ZBTB7C: variants seen among roughly 807,000 people sequenced by gnomAD.
ZBTB7C encodes the protein zinc finger and BTB domain-containing protein 7C.
In ZBTB7C, 8 loss-of-function variants were observed where a neutral mutation model predicts 25.7. The observed-to-expected ratio is 0.31, with a 90% CI of 0.18 to 0.56. ZBTB7C has a LOEUF of 0.56. Ranked by LOEUF, ZBTB7C falls within the 20% of genes least tolerant of loss-of-function variation. The probability of loss-of-function intolerance (pLI) is 0.91; values close to 1 mark genes in which losing one functional copy is unlikely to be tolerated. For synonymous variants in ZBTB7C, 394 were observed against 369.0 expected (o/e 1.07, Z -0.78); for missense variants, 824 against 855.2 (o/e 0.96, Z 0.46).
intron 1 of ZBTB7C, among the ~76,000 whole-genome samples, chr18:48,371,136 C>G (rs1314024552): frequency 6.6e-6 from 1 of 152,118 alleles, no homozygotes; most frequent in African/African-American, 2.4e-5. Context: ...GGGTTCATTT[C>G]CTGAAGAGGC....
chr18:48,089,045 G>C (rs751496450), intron 3 of ZBTB7C, among the ~76,000 whole-genome samples: 2 of 152,154 alleles, frequency 1.3e-5, no homozygotes, highest in East Asian at 3.9e-4. Context: ...CCCTGAGCCC[G>C]GTTTACTGAT....
chr18:48,109,125 G>A (rs942817468), intron 3 of ZBTB7C, among the ~76,000 whole-genome samples: 1 of 152,132 alleles, frequency 6.6e-6, no homozygotes, highest in Non-Finnish European at 1.5e-5. Context: ...GGGGGTTGCG[G>A]TCCCTAGCAA....
At chr18:48,301,429 A>G (rs1015392124) in intron 2 of ZBTB7C, among the ~76,000 whole-genome samples, 4 of 152,244 alleles carry the variant, frequency 2.6e-5, no homozygotes, top group African/African-American at 7.2e-5. Flanking sequence ...CAGTGAGCCA[A>G]GATCGCACCA....
chr18:48,278,320 G>A (rs1356640835), intron 2 of ZBTB7C, among the ~76,000 whole-genome samples: 1 of 152,214 alleles, frequency 6.6e-6, no homozygotes, highest in African/African-American at 2.4e-5. Context: ...TCCCAGTCAA[G>A]AGCATCTCCA....
intron 2 of ZBTB7C, among the ~76,000 whole-genome samples, chr18:48,331,116 T>C (rs1196189793): frequency 2.0e-5 from 3 of 152,098 alleles, no homozygotes; most frequent in Non-Finnish European, 4.4e-5. Context: ...CCTCCATCCC[T>C]GTGTATTTTC....
chr18:48,266,088 G>T (rs2044304990), intron 2 of ZBTB7C, among the ~76,000 whole-genome samples: 1 of 152,156 alleles, frequency 6.6e-6, no homozygotes, highest in South Asian at 2.1e-4. Context: ...GTGAGGGAAG[G>T]CTCCTTGTAC....
At chr18:48,044,660 C>G (rs1269556535) in intron 3 of ZBTB7C, among the ~76,000 whole-genome samples, 1 of 152,244 alleles carries the variant, frequency 6.6e-6, no homozygotes, top group Non-Finnish European at 1.5e-5. Context: ...CATCAGATAC[C>G]TGTCCCACCT....
chr18:48,163,019 G>T (rs545089175), intron 3 of ZBTB7C, among the ~76,000 whole-genome samples: 1 of 152,310 alleles, frequency 6.6e-6, no homozygotes, highest in South Asian at 2.1e-4. Flanking sequence ...TCAGGCACTG[G>T]TGGGGGATGT....
At chr18:48,251,635 C>A (rs1179551908) in intron 2 of ZBTB7C, among the ~76,000 whole-genome samples, 1 of 152,208 alleles carries the variant, frequency 6.6e-6, no homozygotes, top group African/African-American at 2.4e-5. Context: ...TCTTTGTCAA[C>A]CATGTGTACA....
chr18:48,322,515 A>C (rs995091884), intron 2 of ZBTB7C, among the ~76,000 whole-genome samples: 4 of 152,264 alleles, frequency 2.6e-5, no homozygotes, highest in African/African-American at 9.6e-5. Context: ...TGGCCAGTTC[A>C]GAAAACCAAG....
chr18:48,199,640 C>T (rs2042391583), intron 2 of ZBTB7C, among the ~76,000 whole-genome samples: 1 of 151,736 alleles, frequency 6.6e-6, no homozygotes, highest in Admixed American at 6.6e-5. Flanking sequence ...CCTCCCCCTC[C>T]TTCTCCCCCT....
chr18:48,190,798 C>T (rs1054077862), intron 2 of ZBTB7C, among the ~76,000 whole-genome samples: 3 of 152,170 alleles, frequency 2.0e-5, no homozygotes, highest in Non-Finnish European at 2.9e-5. Flanking sequence ...GCCTTTGTGC[C>T]CATTGCTAAA....
At chr18:48,142,382 C>T (rs114776109) in intron 3 of ZBTB7C, among the ~76,000 whole-genome samples, 3,129 of 152,282 alleles carry the variant, frequency 0.021, 116 homozygotes, top group African/African-American at 0.072. Context: ...CCTCAGGAAC[C>T]TCCGAGGGGG....
chr18:48,233,693 T>C (rs1371441631), intron 2 of ZBTB7C, among the ~76,000 whole-genome samples: 1 of 152,226 alleles, frequency 6.6e-6, no homozygotes, highest in Non-Finnish European at 1.5e-5. Context: ...GGTCTGCATG[T>C]TGAGAGCCAT....
chr18:48,131,094 G>A (rs2039972152), intron 3 of ZBTB7C, among the ~76,000 whole-genome samples: 1 of 152,188 alleles, frequency 6.6e-6, no homozygotes, highest in Non-Finnish European at 1.5e-5. Context: ...AGTAGAGATG[G>A]GGTTTCACCA....
chr18:48,212,055 A>C (rs1237853314), intron 2 of ZBTB7C, among the ~76,000 whole-genome samples: 1 of 152,192 alleles, frequency 6.6e-6, no homozygotes, highest in Non-Finnish European at 1.5e-5. Context: ...CATATTACCA[A>C]GTAAAAGAAA....
rs143507719 is a variant in ZBTB7C, at chr18:48,124,861, T to C, written c.-17+61073A>G. ...AAGCCCCTTGCAGTTTTCCCCTCTC[T>C]CCACCTCTCTGCTCTGAGGACAGCA... On this transcript the variant is annotated intron_variant, in intron 3 of 4. Coordinates refer to ENST00000590800, the MANE Select transcript of ZBTB7C (RefSeq NM_001318841.2). 3.9e-5 allele frequency among the ~76,000 whole-genome samples: 6 copies of C among 152,288 alleles called. No individual in the cohort carries two copies. In the East Asian group the frequency reaches 1.2e-3, roughly 29 times the overall value.
intron 2 of ZBTB7C, among the ~76,000 whole-genome samples, chr18:48,289,523 A>G (rs1165864291): frequency 7.0e-6 from 1 of 142,684 alleles, no homozygotes; most frequent in African/African-American, 2.6e-5. Context: ...ACCACAAAAC[A>G]TAATTGTGTA....
intron 2 of ZBTB7C, among the ~76,000 whole-genome samples, chr18:48,319,347 C>T (rs1416590654): frequency 3.9e-5 from 6 of 152,134 alleles, no homozygotes; most frequent in Non-Finnish European, 7.4e-5. Flanking sequence ...GGGCCAGCTG[C>T]TTACCTTTTC....
Sources: allele counts gnomAD v4.1 joint callset (sites outside exome capture counted in the v4.1 genomes callset), GRCh38; gene constraint gnomAD v4.1.1; transcripts MANE v1.5; gene names NCBI Gene and HGNC (gene_info 2026-07-23, HGNC 2026-07-21).